PRKAG3: variants seen among roughly 807,000 people sequenced by gnomAD.
PRKAG3 encodes the protein 5'-AMP-activated protein kinase subunit gamma-3.
Under a neutral mutation model 56.5 loss-of-function variants are expected in PRKAG3, and 39 were observed. That is an observed-to-expected ratio of 0.69 (90% CI 0.53 to 0.90). PRKAG3 has a LOEUF of 0.90. PRKAG3 is among the 40% of genes least tolerant of loss of function. The pLI is 0.00. For synonymous variants in PRKAG3, 243 were observed against 250.1 expected, an observed-to-expected ratio of 0.97 and a Z score of 0.27; for missense variants, 628 against 627.5, an observed-to-expected ratio of 1.00 and a Z score of -0.01.
At position 218,828,910 on chromosome 2, in the gene PRKAG3, G is replaced by A. The variant is rs554402483; in HGVS notation, c.634-310C>T. Among the ~76,000 whole-genome samples, 6 of 152,354 alleles carry A rather than the reference G, an allele frequency of 3.9e-5. No individual in the cohort carries two copies. In the East Asian group the frequency reaches 1.2e-3, roughly 29 times the overall value. ...GTTCATGTTTCCATTTGGAGGGTAT[G>A]TGTGTACAGACACAGTCTAGTTTTT... is the stretch of plus-strand genomic sequence containing the variant. On this transcript the variant is annotated intron_variant, in intron 4 of 12. Coordinates refer to ENST00000529249, the Ensembl canonical transcript of PRKAG3.
At chr2:218,825,317 C>T (rs1943915806) in intron 10 of PRKAG3, among the ~76,000 whole-genome samples, 1 of 131,792 alleles carries the variant, frequency 7.6e-6, no homozygotes. Flanking sequence ...GCCCAGGCGA[C>T]AGAGCAAGAC....
At chr2:218,831,465 A>C in intron 1 of PRKAG3, 90 bp from the exon 2 acceptor site, 1 of 1,185,140 alleles carries the variant, frequency 8.4e-7, no homozygotes, top group Non-Finnish European at 1.2e-6. Flanking sequence ...ACACCCATGC[A>C]CACCAATACA....
chr2:218,827,175 G>C lies in PRKAG3; in HGVS notation c.1002+72C>G. 1 of 1,613,176 alleles carries C rather than the reference G, an allele frequency of 6.2e-7. No individual in the cohort carries two copies. Among genetic ancestry groups the C allele is most frequent in the Non-Finnish European group, 8.5e-7 (1 of 1,179,666 alleles). On this transcript the variant is annotated intron_variant, in intron 9 of 12. Transcript: ENST00000529249. The surrounding 1 kb of genome is among the most constrained non-coding windows in gnomAD (Gnocchi z 5.3). ...CCAGCTCTTCCCCACGACTGCTAGG[G>C]CTGAAGACTCCTCAGGCCCTCTGAT...
exon 2 of PRKAG3, chr2:218,831,345 C>G (rs755291202): frequency 1.9e-6 from 3 of 1,600,600 alleles, no homozygotes; most frequent in South Asian, 2.3e-5. Context: ...CCTTGATGCT[C>G]AGAACCCCCA....
downstream of PRKAG3, chr2:218,822,875 T>C (rs115365507): frequency 7.8e-3 from 7,646 of 984,976 alleles, 455 homozygotes; most frequent in African/African-American, 0.12. Context: ...ACTGGGGCCA[T>C]CCGACCCAGT....
chr2:218,827,244 T>C lies in PRKAG3; in HGVS notation c.1002+3A>G. The C allele has an allele frequency of 6.2e-7, 1 of 1,614,116 alleles. No individual in the cohort carries two copies. Among genetic ancestry groups the C allele is most frequent in the South Asian group, 1.1e-5 (1 of 91,078 alleles). On this transcript the variant is annotated splice_donor_region_variant and intron_variant, in intron 9 of 12. Coordinates refer to ENST00000529249, the Ensembl canonical transcript of PRKAG3. This position sits in a 1 kb window ranked among gnomAD's most constrained non-coding sequence, Gnocchi z 5.3. ...CCTTCCTCCCACCTGGGCCCAGGCT[T>C]ACAAAGATGTGCAGGAACTTGAGCA... is the stretch of plus-strand genomic sequence containing the variant.
At chr2:218,828,481 C>A in intron 5 of PRKAG3, 38 bp downstream of exon 5, 1 of 1,570,982 alleles carries the variant, frequency 6.4e-7, no homozygotes, top group Non-Finnish European at 8.7e-7. Flanking sequence ...TCCCCCTCAC[C>A]TCCTCCATCT....
chr2:218,824,269 G>A (rs758515055), exon 12 of PRKAG3: 2 of 1,614,046 alleles, frequency 1.2e-6, no homozygotes, highest in Middle Eastern at 1.6e-4. Context: ...CTCTCGTGGG[G>A]CTGGCAGGAA....
intron 2 of PRKAG3, 31 bp downstream of exon 2, chr2:218,831,305 T>C: frequency 1.3e-6 from 2 of 1,545,040 alleles, no homozygotes; most frequent in Non-Finnish European, 1.8e-6. Flanking sequence ...GGGGAAGAGG[T>C]TAGGCCCCAG....
chr2:218,823,872 T>C (rs1367788312), exon 13 of PRKAG3: 4 of 1,613,810 alleles, frequency 2.5e-6, no homozygotes, highest in South Asian at 2.2e-5. Flanking sequence ...AGCACCAGCC[T>C]GTGTACCTGT....
In PRKAG3 at chr2:218,827,932, C is replaced by T. The variant is rs551549837; in HGVS notation, c.775-54G>A. The T allele has an allele frequency of 6.8e-6, 11 of 1,610,702 alleles. No individual in the cohort carries two copies. The Admixed American group carries it at 1.7e-4, about 25-fold the overall frequency. ...CAGAAAGACGTGGGCTTCTAGGGCA[C>T]CAGGCTCCAGGAGGACTCCCCTCCG... On this transcript the variant is annotated intron_variant, in intron 6 of 12. Transcript: ENST00000529249. The surrounding 1 kb of genome is among the most constrained non-coding windows in gnomAD (Gnocchi z 5.3).
chr2:218,825,508 C>T (rs941708582), intron 10 of PRKAG3, among the ~76,000 whole-genome samples: 2 of 151,494 alleles, frequency 1.3e-5, no homozygotes, highest in Non-Finnish European at 2.9e-5. Context: ...ATTAGCTGGG[C>T]GTGGTGTCAT....
chr2:218,830,603 A>G, intron 3 of PRKAG3, 143 bp downstream of exon 3: 1 of 1,176,614 alleles, frequency 8.5e-7, no homozygotes, highest in South Asian at 1.5e-5. Flanking sequence ...GTTCTCTACT[A>G]TGTAGGGAGA....
At chr2:218,825,845 C>A (rs564448620) in intron 10 of PRKAG3, among the ~76,000 whole-genome samples, 1 of 151,526 alleles carries the variant, frequency 6.6e-6, no homozygotes, top group Non-Finnish European at 1.5e-5. Context: ...CAACCTCTGC[C>A]TCCCAGGTTC....
Position 218,831,737 on chromosome 2 carries a change from C to A in PRKAG3, c.33+1G>T, listed in dbSNP as rs2105990356. 6 of 1,610,842 alleles carry A rather than the reference C, an allele frequency of 3.7e-6. No homozygotes were observed. The highest frequency in any genetic ancestry group is 2.2e-5 in the East Asian group (1 of 44,804). ...CTCCGGCTCCCCTGGGACCCCCATA[C>A]CCTGCGCAGTGCGTGCTCCAGCCCG... On this transcript the variant is annotated splice_donor_variant, in intron 1 of 12. Coordinates refer to ENST00000529249, the Ensembl canonical transcript of PRKAG3. LOFTEE classifies it high-confidence loss of function.
chr2:218,828,522 C>T, exon 5 of PRKAG3: 1 of 1,613,258 alleles, frequency 6.2e-7, no homozygotes, highest in Non-Finnish European at 8.5e-7. Flanking sequence ...TCCTCACCCA[C>T]AAAGCTCTGC....
At chr2:218,828,834 C>T (rs149882225) in intron 4 of PRKAG3, among the ~76,000 whole-genome samples, 2 of 152,272 alleles carry the variant, frequency 1.3e-5, no homozygotes, top group Non-Finnish European at 2.9e-5. Flanking sequence ...AAGGCTGTGG[C>T]CTGAGACCAT....
exon 13 of PRKAG3, chr2:218,823,652 C>T: frequency 6.3e-7 from 1 of 1,595,166 alleles, no homozygotes; most frequent in East Asian, 2.2e-5. Context: ...CTACCTGAAT[C>T]ATAGCTGAAC....
intron 5 of PRKAG3, 90 bp downstream of exon 5, chr2:218,828,429 G>T: frequency 7.4e-7 from 1 of 1,343,664 alleles, no homozygotes; most frequent in Non-Finnish European, 1.0e-6. Flanking sequence ...AGCCAAGCTT[G>T]TGGTATATCA....
Sources: allele counts gnomAD v4.1 joint callset (sites outside exome capture counted in the v4.1 genomes callset), GRCh38; gene constraint gnomAD v4.1.1; non-coding constraint Gnocchi (gnomAD v3.1); transcripts MANE v1.5; gene names NCBI Gene and HGNC (gene_info 2026-07-23, HGNC 2026-07-21).